RALGPS2: variants seen among roughly 807,000 people sequenced by gnomAD.
RALGPS2 encodes the protein Ral GEF with PH domain and SH3 binding motif 2.
In RALGPS2, 43 loss-of-function variants were observed where a neutral mutation model predicts 86.8. The ratio of observed to expected loss-of-function variants is 0.50; its 90% CI spans 0.39 to 0.64. RALGPS2 has a LOEUF of 0.64. Ranked by LOEUF, RALGPS2 falls within the 30% of genes least tolerant of loss-of-function variation. RALGPS2 has a pLI of 0.00. For missense variants in RALGPS2, 536 were observed against 694.6 expected, an observed-to-expected ratio of 0.77 and a Z score of 2.57; for synonymous variants, 243 against 231.3, an observed-to-expected ratio of 1.05 and a Z score of -0.46.
intron 1 of RALGPS2, among the ~76,000 whole-genome samples, chr1:178,770,740 G>A (rs11577488): frequency 4.6e-5 from 7 of 151,202 alleles, no homozygotes; most frequent in Non-Finnish European, 1.0e-4. Flanking sequence ...GCCTCCCAAA[G>A]TGTTGGAATT....
rs187765811 is a variant in RALGPS2, at chr1:178,865,858, A to G, written c.608-11640A>G. The G allele has an allele frequency of 3.4e-4, 364 of 1,075,858 alleles. 1 individual carries two copies. The Admixed American group carries it at 8.2e-3, about 24-fold the overall frequency. The allele number at this position is 1,075,858 out of a possible 1,614,324, so 66.6% of individuals were successfully genotyped here. On this transcript the variant is annotated intron_variant, in intron 8 of 19. Coordinates refer to ENST00000367635, the MANE Select transcript of RALGPS2 (RefSeq NM_152663.5). ...AAGCAAAAAGAATTCATATTAATCT[A>G]TGTTAAAGTCAGTAATCTTAAAAAC...
At chr1:178,728,619 A>G (rs1650164539) in intron 1 of RALGPS2, among the ~76,000 whole-genome samples, 8 of 152,136 alleles carry the variant, frequency 5.3e-5, no homozygotes. Flanking sequence ...AAATAGCTTG[A>G]AACTACCCCA....
intron 10 of RALGPS2, chr1:178,879,605 C>T (rs1045717932): frequency 6.6e-6 from 1 of 152,122 alleles, no homozygotes; most frequent in Admixed American, 6.6e-5. Context: ...CCAGCCTGAC[C>T]AATATAGTGA....
intron 1 of RALGPS2, among the ~76,000 whole-genome samples, chr1:178,766,105 G>A (rs545515596): frequency 3.9e-5 from 6 of 152,328 alleles, no homozygotes; most frequent in African/African-American, 1.2e-4. Context: ...GAAGTGATAA[G>A]TGTCCATGAA....
intron 15 of RALGPS2, among the ~76,000 whole-genome samples, chr1:178,892,611 A>C (rs116630572): frequency 5.3e-5 from 8 of 152,140 alleles, no homozygotes; most frequent in Non-Finnish European, 7.4e-5. Context: ...TGAATGAACA[A>C]TATAAAAATC....
chr1:178,905,315 T>C (rs1174498058), intron 18 of RALGPS2, among the ~76,000 whole-genome samples: 1 of 152,226 alleles, frequency 6.6e-6, no homozygotes, highest in Non-Finnish European at 1.5e-5. Context: ...TCAGTTTCTC[T>C]TAGCATGCCT....
chr1:178,847,628 T>C (rs1656930251), intron 8 of RALGPS2, among the ~76,000 whole-genome samples: 1 of 151,522 alleles, frequency 6.6e-6, no homozygotes, highest in Non-Finnish European at 1.5e-5. Context: ...ACTACAAAGA[T>C]TAATTTAAAT....
chr1:178,835,567 A>G (rs113014212), intron 8 of RALGPS2, among the ~76,000 whole-genome samples: 7,942 of 151,566 alleles, frequency 0.052, 726 homozygotes, highest in African/African-American at 0.18. Flanking sequence ...TAATTTTTGT[A>G]TTTTTAGTCG....
At position 178,862,313 on chromosome 1, in the gene RALGPS2, A is replaced by G. The variant is rs552637246; in HGVS notation, c.608-15185A>G. On this transcript the variant is annotated intron_variant, in intron 8 of 19. Coordinates refer to ENST00000367635, the MANE Select transcript of RALGPS2 (RefSeq NM_152663.5). ...CTTTCATGAGGGTCTTTGGAATGAC[A>G]ATTTTAAGAAGCTCTATAAAAATGT... Among the ~76,000 whole-genome samples, 39 of 152,298 alleles carry G rather than the reference A, an allele frequency of 2.6e-4. No individual in the cohort carries two copies. The Middle Eastern group carries it at 0.01, about 40-fold the overall frequency.
At chr1:178,836,417 G>A (rs1285663782) in intron 8 of RALGPS2, among the ~76,000 whole-genome samples, 1 of 151,986 alleles carries the variant, frequency 6.6e-6, no homozygotes, top group Non-Finnish European at 1.5e-5. Context: ...ATGTTCTCAT[G>A]ATGTAGGATC....
chr1:178,893,965 G>A lies in RALGPS2; in HGVS notation c.1372G>A (p.Val458Ile). Residue 458 changes from valine (V) to isoleucine (I), a missense_variant, in exon 16 of 20, where the codon GTT becomes ATT. Val to Ile is a conservative substitution (Grantham distance 29, BLOSUM62 3). Transcript: ENST00000367635. ...GGCAGTACATTTATATCCAGGAGCTGTTACTATTCAAGGTGTTCTCAGGAG... is the reference window on the plus strand; with the variant it reads ...GGCAGTACATTTATATCCAGGAGCTATTACTATTCAAGGTGTTCTCAGGAG... ...DLAVHLYPGA[V>I]TIQGVLRRKT... 6.2e-7 allele frequency: 1 copy of A among 1,609,278 alleles called. No individual in the cohort carries two copies. Among genetic ancestry groups the A allele is most frequent in the East Asian group, 2.2e-5 (1 of 44,678 alleles).
intron 8 of RALGPS2, among the ~76,000 whole-genome samples, chr1:178,863,624 C>T (rs1658180839): frequency 1.3e-5 from 2 of 152,136 alleles, no homozygotes; most frequent in African/African-American, 2.4e-5. Context: ...CAAATGCAAA[C>T]GTCTAGCTTT....
chr1:178,820,636 T>C (rs73039805), intron 6 of RALGPS2, among the ~76,000 whole-genome samples: 15,139 of 152,194 alleles, frequency 0.099, 1,691 homozygotes, highest in African/African-American at 0.28. Flanking sequence ...AAATTGGATT[T>C]GTATTTGTTT....
intron 1 of RALGPS2, among the ~76,000 whole-genome samples, chr1:178,765,336 G>A (rs1033037051): frequency 2.0e-5 from 3 of 151,944 alleles, no homozygotes; most frequent in African/African-American, 4.8e-5. Context: ...TTTAAAGCTG[G>A]GTGTCCAGGG....
At chr1:178,839,607 A>G (rs1656475087) in intron 8 of RALGPS2, among the ~76,000 whole-genome samples, 1 of 152,174 alleles carries the variant, frequency 6.6e-6, no homozygotes, top group Non-Finnish European at 1.5e-5. Context: ...GCATCAACTA[A>G]TGAGCAAAAT....
chr1:178,869,421 A>G (rs1658611219), intron 8 of RALGPS2: 1 of 152,122 alleles, frequency 6.6e-6, no homozygotes, highest in Non-Finnish European at 1.5e-5. Flanking sequence ...GAACAATCTA[A>G]TCCCCTGGAT....
intron 8 of RALGPS2, among the ~76,000 whole-genome samples, chr1:178,851,484 A>G (rs1243164277): frequency 2.0e-5 from 3 of 152,110 alleles, no homozygotes; most frequent in Non-Finnish European, 2.9e-5. Flanking sequence ...TGTTGCATCA[A>G]CTGCTTGAAA....
intron 8 of RALGPS2, chr1:178,852,837 T>C: frequency 6.2e-7 from 1 of 1,613,954 alleles, no homozygotes; most frequent in South Asian, 1.1e-5. Context: ...CTGCATAGAC[T>C]TTTTTATCAC....
At chr1:178,895,112 A>G (rs1659884749) in intron 16 of RALGPS2, among the ~76,000 whole-genome samples, 2 of 152,078 alleles carry the variant, frequency 1.3e-5, no homozygotes, top group Non-Finnish European at 2.9e-5. Context: ...CTTAATATGT[A>G]TCAAAGAAGT....
Sources: allele counts gnomAD v4.1 joint callset (sites outside exome capture counted in the v4.1 genomes callset), GRCh38; gene constraint gnomAD v4.1.1; transcripts MANE v1.5; gene names NCBI Gene and HGNC (gene_info 2026-07-23, HGNC 2026-07-21).